The following PIK3CA variants were observed in gnomAD, a reference collection of about 807,000 sequenced individuals.
PIK3CA encodes phosphatidylinositol-4,5-bisphosphate 3-kinase catalytic subunit alpha.
PIK3CA carries 27 observed loss-of-function variants against 138.2 expected under a neutral mutation model. The ratio of observed to expected loss-of-function variants is 0.20; its 90% CI spans 0.14 to 0.27. The LOEUF is 0.27. Ranked by LOEUF, PIK3CA falls within the 10% of genes least tolerant of loss-of-function variation. The pLI is 1.00. For missense variants in PIK3CA, 544 were observed against 1,277.4 expected, an observed-to-expected ratio of 0.43 and a Z score of 8.75; for synonymous variants, 358 against 413.2, an observed-to-expected ratio of 0.87 and a Z score of 1.62.
intron 9 of PIK3CA, among the ~76,000 whole-genome samples, chr3:179,217,806 G>T (rs1431584777): frequency 6.6e-6 from 1 of 152,040 alleles, no homozygotes; most frequent in Non-Finnish European, 1.5e-5. Flanking sequence ...ACATGAAAGG[G>T]TTTACATTTT....
chr3:179,182,301 T>C (rs1029548863), intron 1 of PIK3CA, among the ~76,000 whole-genome samples: 2 of 152,156 alleles, frequency 1.3e-5, no homozygotes, highest in Non-Finnish European at 2.9e-5. Context: ...TATTAAATCA[T>C]TGTAAGTAAT....
At chr3:179,187,157 C>G (rs1724003387) in intron 1 of PIK3CA, among the ~76,000 whole-genome samples, 2 of 151,922 alleles carry the variant, frequency 1.3e-5, no homozygotes, top group Admixed American at 6.6e-5. Flanking sequence ...TAGATAATAT[C>G]TACCATCTCT....
intron 1 of PIK3CA, among the ~76,000 whole-genome samples, chr3:179,169,363 A>G (rs1723494294): frequency 6.6e-6 from 1 of 152,158 alleles, no homozygotes; most frequent in South Asian, 2.1e-4. Flanking sequence ...GGATTACATC[A>G]TATGTGTAGA....
chr3:179,198,122 C>A (rs1440748796), intron 1 of PIK3CA, among the ~76,000 whole-genome samples: 1 of 152,066 alleles, frequency 6.6e-6, no homozygotes, highest in Non-Finnish European at 1.5e-5. Flanking sequence ...ATACCTAAAT[C>A]ATACTTTAAG....
intron 1 of PIK3CA, among the ~76,000 whole-genome samples, chr3:179,171,504 G>T (rs1045520788): frequency 6.6e-6 from 1 of 151,948 alleles, no homozygotes; most frequent in African/African-American, 2.4e-5. Flanking sequence ...TAAATCTTTA[G>T]CTAAAATGAA....
intron 1 of PIK3CA, among the ~76,000 whole-genome samples, chr3:179,187,180 T>A (rs984971792): frequency 2.7e-4 from 41 of 152,188 alleles, no homozygotes; most frequent in African/African-American, 9.2e-4. Flanking sequence ...ACAACAAGCC[T>A]GAAACAGTAA....
intron 1 of PIK3CA, among the ~76,000 whole-genome samples, chr3:179,160,138 G>A (rs1024562283): frequency 1.3e-5 from 2 of 152,088 alleles, no homozygotes; most frequent in African/African-American, 4.8e-5. Context: ...TTTTTAAAAA[G>A]TAAAGTAATT....
intron 1 of PIK3CA, among the ~76,000 whole-genome samples, chr3:179,158,095 C>T (rs1451802383): frequency 1.3e-5 from 2 of 152,100 alleles, no homozygotes; most frequent in Non-Finnish European, 1.5e-5. Flanking sequence ...AATTCTGTCC[C>T]TTCCAAGAAT....
At chr3:179,173,843 C>T (rs1265065875) in intron 1 of PIK3CA, among the ~76,000 whole-genome samples, 1 of 151,876 alleles carries the variant, frequency 6.6e-6, no homozygotes, top group Non-Finnish European at 1.5e-5. Context: ...TCTTCTGCCT[C>T]AGCCTCCCAA....
At chr3:179,202,090 G>A (rs1017456660) in intron 4 of PIK3CA, among the ~76,000 whole-genome samples, 5 of 151,980 alleles carry the variant, frequency 3.3e-5, no homozygotes, top group African/African-American at 1.2e-4. Flanking sequence ...TTCGAGACAG[G>A]GTCTCGCTTT....
intron 1 of PIK3CA, among the ~76,000 whole-genome samples, chr3:179,161,209 A>G (rs924669260): frequency 6.6e-6 from 1 of 152,200 alleles, no homozygotes; most frequent in African/African-American, 2.4e-5. Context: ...AAAGGGAGCA[A>G]TGATTCCATA....
At chr3:179,160,681 A>C (rs1256186491) in intron 1 of PIK3CA, among the ~76,000 whole-genome samples, 2 of 152,206 alleles carry the variant, frequency 1.3e-5, no homozygotes, top group Non-Finnish European at 2.9e-5. Context: ...TATTGTGTAT[A>C]TAGTTCTATT....
In PIK3CA at chr3:179,221,169, T is replaced by C; in HGVS notation, c.2187+12T>C. 1.9e-6 allele frequency: 3 copies of C among 1,607,032 alleles called. No homozygotes were observed. The highest frequency in any genetic ancestry group is 2.6e-6 in the Non-Finnish European group (3 of 1,174,208). ...ATGAAACACAAAAGGTGTGTGACTCTAGTTTGTGTTTGAGACTCTTTTCAC... is the reference window on the plus strand; with the variant it reads ...ATGAAACACAAAAGGTGTGTGACTCCAGTTTGTGTTTGAGACTCTTTTCAC... On this transcript the variant is annotated intron_variant, in intron 14 of 20. Transcript: ENST00000263967.
chr3:179,210,662 A>G (rs2108402056), intron 9 of PIK3CA, 97 bp downstream of exon 9: 2 of 1,180,288 alleles, frequency 1.7e-6, no homozygotes, highest in Non-Finnish European at 2.4e-6. Flanking sequence ...TTTTACTGGC[A>G]TAGATACTAT....
chr3:179,194,990 C>T (rs1724228401), intron 1 of PIK3CA, among the ~76,000 whole-genome samples: 1 of 147,210 alleles, frequency 6.8e-6, no homozygotes, highest in Non-Finnish European at 1.5e-5. Flanking sequence ...AGCCTAGAGC[C>T]TGACATTAAG....
At chr3:179,168,255 T>C (rs1723467353) in intron 1 of PIK3CA, among the ~76,000 whole-genome samples, 1 of 152,216 alleles carries the variant, frequency 6.6e-6, no homozygotes, top group South Asian at 2.1e-4. Flanking sequence ...GAAAAGACTT[T>C]TATTTTTTCT....
At chr3:179,225,296 T>C (rs1432617009) in intron 16 of PIK3CA, among the ~76,000 whole-genome samples, 2 of 152,060 alleles carry the variant, frequency 1.3e-5, no homozygotes, top group Admixed American at 6.6e-5. Flanking sequence ...ATTAAATGAA[T>C]AATTACAAAA....
In PIK3CA at chr3:179,237,181, ATC is replaced by A. The variant is rs1247349863; in HGVS notation, c.*2819_*2820del. On this transcript the variant is annotated 3_prime_UTR_variant, in exon 21 of 21. Coordinates refer to ENST00000263967, the MANE Select transcript of PIK3CA (RefSeq NM_006218.4). ...ATTTTTAGACTACTGTTAATTTGAA[ATC>A]TGTTACTCTTATTGTGGAATTTGTT... 1.5e-5 allele frequency: 3 copies of A among 195,896 alleles called. No homozygotes were observed. The highest frequency in any genetic ancestry group is 4.6e-5 in the African/African-American group (2 of 43,272). The allele number at this position is 195,896 out of a possible 1,614,324, so 12.1% of individuals were successfully genotyped here.
chr3:179,195,599 A>G (rs1228910015), intron 1 of PIK3CA, among the ~76,000 whole-genome samples: 1 of 151,780 alleles, frequency 6.6e-6, no homozygotes, highest in African/African-American at 2.4e-5. Context: ...GATTCAAATT[A>G]GAGCTCATTC....
Sources: gnomAD v4.1 joint callset for allele counts (sites outside exome capture counted in the v4.1 genomes callset) on GRCh38, gnomAD v4.1.1 for gene constraint, MANE v1.5 for transcripts, NCBI Gene and HGNC (gene_info 2026-07-23, HGNC 2026-07-21) for gene names.